The following ADAMTS2 variants were observed in gnomAD, a reference collection of about 807,000 sequenced individuals.
ADAMTS2 encodes the protein ADAM metallopeptidase with thrombospondin type 1 motif 2, also known as A disintegrin and metalloproteinase with thrombospondin motifs 2.
In ADAMTS2, 50 loss-of-function variants were observed where a neutral mutation model predicts 123.0. That is an observed-to-expected ratio of 0.41 (90% CI 0.32 to 0.51). ADAMTS2 has a LOEUF of 0.51. Among genes scored for constraint, ADAMTS2 ranks in the 20% least tolerant of loss-of-function variants. The pLI is 0.35. For missense variants in ADAMTS2, 1,494 were observed against 1,705.2 expected (o/e 0.88, Z 2.18); for synonymous variants, 678 against 695.4 (o/e 0.98, Z 0.39).
At chr5:179,233,489 C>G (rs1765458621) in intron 3 of ADAMTS2, among the ~76,000 whole-genome samples, 1 of 152,316 alleles carries the variant, frequency 6.6e-6, no homozygotes. Context: ...AGTTCAAGAC[C>G]AGCCTGGCCA....
At chr5:179,133,290 C>T (rs1321622871) in intron 13 of ADAMTS2, among the ~76,000 whole-genome samples, 5 of 152,064 alleles carry the variant, frequency 3.3e-5, no homozygotes, top group South Asian at 2.1e-4. Context: ...TTTTTTGAGA[C>T]GGAATCTTGC....
intron 2 of ADAMTS2, among the ~76,000 whole-genome samples, chr5:179,302,732 C>T (rs1266486064): frequency 2.7e-5 from 4 of 150,488 alleles, no homozygotes; most frequent in Non-Finnish European, 3.0e-5. Context: ...TTGAGGGGGG[C>T]GGGGGACTTC....
intron 2 of ADAMTS2, among the ~76,000 whole-genome samples, chr5:179,284,421 A>C (rs572197342): frequency 1.1e-3 from 168 of 151,978 alleles, no homozygotes; most frequent in Non-Finnish European, 2.2e-3. Flanking sequence ...TTGTTCTGTC[A>C]CCCAGGCTGG....
At chr5:179,126,495 C>T (rs764251650) in intron 17 of ADAMTS2, among the ~76,000 whole-genome samples, 2 of 152,228 alleles carry the variant, frequency 1.3e-5, no homozygotes, top group Non-Finnish European at 2.9e-5. Flanking sequence ...GCCCGCAGCC[C>T]GCATGCTTCC....
At chr5:179,218,663 C>T (rs903997520) in intron 3 of ADAMTS2, among the ~76,000 whole-genome samples, 5 of 152,320 alleles carry the variant, frequency 3.3e-5, no homozygotes, top group Admixed American at 2.0e-4. Flanking sequence ...CTCCTGGGGC[C>T]GGCCTGGCCA....
intron 9 of ADAMTS2, among the ~76,000 whole-genome samples, chr5:179,153,046 G>A (rs908174245): frequency 1.3e-5 from 2 of 152,218 alleles, no homozygotes; most frequent in East Asian, 1.9e-4. Flanking sequence ...TTCCTCTGAC[G>A]GCTCAGCCCT....
chr5:179,329,331 A>G (rs1757419066), intron 2 of ADAMTS2, among the ~76,000 whole-genome samples: 1 of 150,940 alleles, frequency 6.6e-6, no homozygotes, highest in South Asian at 2.1e-4. Context: ...CGTCTCAAAA[A>G]AAAAAAAAAA....
rs1766586566 is a variant in ADAMTS2, at chr5:179,272,971, C to T, written c.628G>A (p.Val210Met). The T allele has an allele frequency of 5.0e-6, 8 of 1,613,032 alleles. No individual in the cohort carries two copies. Among genetic ancestry groups the T allele is most frequent in the Non-Finnish European group, 6.8e-6 (8 of 1,180,002 alleles). ...AQEAEQGRVHVVYRRPPTSPP... is the reference protein window; with the variant it reads ...AQEAEQGRVHMVYRRPPTSPP... ...GACGTGGGTGGCCGGCGATACACCA[C>T]ATGCACACGGCCTTGCTCAGCCTCC... is the stretch of plus-strand genomic sequence containing the variant. Residue 210 changes from valine to methionine, a missense_variant, in exon 3 of 22, where the codon GTG becomes ATG. Physicochemically the swap from Val to Met is conservative, Grantham distance 21. This residue lies in a region of ADAMTS2 where 184 missense variants were observed against 152.1 expected (regional missense o/e 1.21). Coordinates refer to ENST00000251582, the MANE Select transcript of ADAMTS2 (RefSeq NM_014244.5). This position sits in a 1 kb window ranked among gnomAD's most constrained non-coding sequence, Gnocchi z 5.8.
chr5:179,182,142 G>T (rs540152127), intron 4 of ADAMTS2, among the ~76,000 whole-genome samples: 4 of 152,192 alleles, frequency 2.6e-5, no homozygotes, highest in East Asian at 3.9e-4. Flanking sequence ...CAAGCACAAG[G>T]TGTGTTATTT....
At position 179,189,730 on chromosome 5, in the gene ADAMTS2, ATCT is replaced by A. The variant is rs940964455; in HGVS notation, c.892-8578_892-8576del. ...CAAGGGCGGAAGAATATTACAAAAT[ATCT>A]TCTTAAGGTAGGGGGGGACAATATT... is the stretch of plus-strand genomic sequence containing the variant. On this transcript the variant is annotated intron_variant, in intron 4 of 21. Coordinates refer to ENST00000251582, the MANE Select transcript of ADAMTS2 (RefSeq NM_014244.5). This position sits in a 1 kb window ranked among gnomAD's most constrained non-coding sequence, Gnocchi z 4.2. 6.8e-6 allele frequency among the ~76,000 whole-genome samples: 1 copy of A among 147,832 alleles called. No homozygotes were observed. Among genetic ancestry groups the A allele is most frequent in the African/African-American group, 2.5e-5 (1 of 39,646 alleles).
chr5:179,279,924 C>A (rs544895414), intron 2 of ADAMTS2, among the ~76,000 whole-genome samples: 1 of 152,238 alleles, frequency 6.6e-6, no homozygotes, highest in Admixed American at 6.5e-5. Context: ...TGTCCTCACC[C>A]GCATCTCCAC....
At chr5:179,154,375 G>A (rs1763427629) in intron 7 of ADAMTS2, among the ~76,000 whole-genome samples, 183 bp from the exon 8 acceptor site, 1 of 152,192 alleles carries the variant, frequency 6.6e-6, no homozygotes, top group Admixed American at 6.5e-5. Flanking sequence ...ACTCTGGGGA[G>A]ACAGTGTCCA....
At chr5:179,156,962 T>C (rs921295504) in intron 6 of ADAMTS2, among the ~76,000 whole-genome samples, 52 of 76,806 alleles carry the variant, frequency 6.8e-4, no homozygotes, top group African/African-American at 2.4e-3. Flanking sequence ...TCATTTTTTC[T>C]TTTTTTTTTT....
At chr5:179,198,145 C>T (rs929658802) in intron 4 of ADAMTS2, among the ~76,000 whole-genome samples, 2 of 151,942 alleles carry the variant, frequency 1.3e-5, no homozygotes, top group African/African-American at 2.4e-5. Flanking sequence ...CCCTCGGGGG[C>T]GGGGGGCGGG....
chr5:179,191,737 T>G (rs1764312030), intron 4 of ADAMTS2, among the ~76,000 whole-genome samples: 1 of 152,122 alleles, frequency 6.6e-6, no homozygotes, highest in South Asian at 2.1e-4. Flanking sequence ...TCCCCGGGGT[T>G]CTGGGCTCCA....
At chr5:179,286,398 T>C (rs1183081820) in intron 2 of ADAMTS2, among the ~76,000 whole-genome samples, 1 of 151,906 alleles carries the variant, frequency 6.6e-6, no homozygotes, top group Admixed American at 6.6e-5. Flanking sequence ...CCAGCACGCC[T>C]GAGCACCAGC....
At position 179,126,541 on chromosome 5, in the gene ADAMTS2, T is replaced by C. The variant is rs551860617; in HGVS notation, c.2618-411A>G. Among the ~76,000 whole-genome samples the C allele has an allele frequency of 3.9e-5, 6 of 152,220 alleles. No individual in the cohort carries two copies. In the South Asian group the frequency reaches 1.2e-3, roughly 32 times the overall value. Reference sequence around the variant, plus strand: ...CCAGAGCAGCCGTGCTCAACCCGGGTGATTTTCTCCAGCAGGGGACATTTG... The same window carrying C: ...CCAGAGCAGCCGTGCTCAACCCGGGCGATTTTCTCCAGCAGGGGACATTTG... On this transcript the variant is annotated intron_variant, in intron 17 of 21. Transcript: ENST00000251582.
chr5:179,237,510 C>G (rs2113443208), intron 3 of ADAMTS2, among the ~76,000 whole-genome samples: 1 of 152,272 alleles, frequency 6.6e-6, no homozygotes, highest in Non-Finnish European at 1.5e-5. Flanking sequence ...GTAGCAGCCT[C>G]TACTGACTAA....
rs1222133007 is a variant in ADAMTS2 at position 179,188,881 on chromosome 5, C to T, written c.892-7726G>A. On this transcript the variant is annotated intron_variant, in intron 4 of 21. Transcript: ENST00000251582. This position sits in a 1 kb window ranked among gnomAD's most constrained non-coding sequence, Gnocchi z 5.1. ...ATGTGCTGCACCCCTCAGTGTGGCA[C>T]TCCAGCAGGCACGTTGAGAAGACAG... is the stretch of plus-strand genomic sequence containing the variant. Among the ~76,000 whole-genome samples the T allele has an allele frequency of 6.6e-6, 1 of 152,188 alleles. No homozygotes were observed. The highest frequency in any genetic ancestry group is 1.5e-5 in the Non-Finnish European group (1 of 68,048).
Sources: allele counts gnomAD v4.1 joint callset (sites outside exome capture counted in the v4.1 genomes callset), GRCh38; gene constraint gnomAD v4.1.1; regional missense constraint gnomAD v4.1.1; non-coding constraint Gnocchi (gnomAD v3.1); transcripts MANE v1.5; gene names NCBI Gene and HGNC (gene_info 2026-07-23, HGNC 2026-07-21).